LRP1B: variants seen among roughly 807,000 people sequenced by gnomAD.
LRP1B encodes the protein low-density lipoprotein receptor-related protein 1B.
LRP1B carries 217 observed loss-of-function variants against 556.6 expected under a neutral mutation model. That is an observed-to-expected ratio of 0.39 (90% CI 0.35 to 0.44). LRP1B has a LOEUF of 0.44. Ranked by LOEUF, LRP1B falls within the 20% of genes least tolerant of loss-of-function variation. The pLI is 1.00. For missense variants in LRP1B, 5,053 were observed against 5,620.8 expected, an observed-to-expected ratio of 0.90 and a Z score of 3.23; for synonymous variants, 2,047 against 1,865.8, an observed-to-expected ratio of 1.10 and a Z score of -2.50.
chr2:140,582,296 G>A (rs1681799688), intron 43 of LRP1B, among the ~76,000 whole-genome samples: 1 of 152,214 alleles, frequency 6.6e-6, no homozygotes, highest in South Asian at 2.1e-4. Context: ...TCTCAGATTG[G>A]GGTTAGGCAT....
At position 140,806,200 on chromosome 2, in the gene LRP1B, T is replaced by G. The variant is rs972180289; in HGVS notation, c.5359+7457A>C. ...ATCTCAGACTTCCAGCCTCCAGAAC[T>G]GTGAGAAATAAATTTCTGATGTTTT... On this transcript the variant is annotated intron_variant, in intron 32 of 90. Transcript: ENST00000389484. 2.0e-5 allele frequency among the ~76,000 whole-genome samples: 3 copies of G among 152,086 alleles called. No individual in the cohort carries two copies. In the South Asian group the frequency reaches 6.2e-4, roughly 32 times the overall value.
chr2:141,634,348 A>G (rs1689023449), intron 2 of LRP1B, among the ~76,000 whole-genome samples: 1 of 151,998 alleles, frequency 6.6e-6, no homozygotes, highest in Admixed American at 6.6e-5. Flanking sequence ...AAACCTTCAT[A>G]ATCATTTAAA....
At chr2:141,592,098 A>T (rs1351198886) in intron 2 of LRP1B, among the ~76,000 whole-genome samples, 1 of 152,064 alleles carries the variant, frequency 6.6e-6, no homozygotes, top group African/African-American at 2.4e-5. Context: ...CATCCTCTGC[A>T]CCAACATTGA....
intron 2 of LRP1B, among the ~76,000 whole-genome samples, chr2:141,553,096 AT>A (rs1347285826): frequency 2.0e-5 from 3 of 151,862 alleles, no homozygotes; most frequent in Admixed American, 6.6e-5. Flanking sequence ...AATGCACTTT[AT>A]AGGATGAGGA....
Position 140,576,263 on chromosome 2 carries a change from T to C in LRP1B, c.7194+22368A>G, listed in dbSNP as rs560710964. 5.9e-5 allele frequency among the ~76,000 whole-genome samples: 9 copies of C among 152,300 alleles called. 1 individual carries two copies. In the South Asian group the frequency reaches 1.7e-3, roughly 28 times the overall value. Reference sequence around the variant, plus strand: ...CTCTAGACTTTGCTCCACAAAACAATTTCTCAGTGATTTTTGCAGACTCTC... The same window carrying C: ...CTCTAGACTTTGCTCCACAAAACAACTTCTCAGTGATTTTTGCAGACTCTC... On this transcript the variant is annotated intron_variant, in intron 43 of 90. Transcript: ENST00000389484.
intron 83 of LRP1B, among the ~76,000 whole-genome samples, chr2:140,311,255 C>A (rs146576180): frequency 2.6e-5 from 4 of 151,742 alleles, no homozygotes; most frequent in Non-Finnish European, 5.9e-5. Context: ...ATATTCACAA[C>A]AGGAAAAATA....
intron 49 of LRP1B, among the ~76,000 whole-genome samples, chr2:140,524,528 C>T (rs1003691013): frequency 1.3e-5 from 2 of 151,796 alleles, no homozygotes; most frequent in African/African-American, 2.4e-5. Context: ...CTCACAATAG[C>T]AAATATATTA....
chr2:141,467,120 A>ATATATATATATG (rs1682254001), intron 3 of LRP1B, among the ~76,000 whole-genome samples: 1 of 3,812 alleles, frequency 2.6e-4, no homozygotes, highest in South Asian at 0.038. Context: ...ATATATATAT[A>ATATATATATATG]TATCTATATA....
chr2:140,867,207 C>T (rs907489943), intron 27 of LRP1B, among the ~76,000 whole-genome samples: 1 of 151,954 alleles, frequency 6.6e-6, no homozygotes, highest in Non-Finnish European at 1.5e-5. Context: ...GGAGAGGTAG[C>T]ACATATGGGC....
At chr2:141,894,695 T>C (rs891852508) in intron 1 of LRP1B, among the ~76,000 whole-genome samples, 1 of 147,486 alleles carries the variant, frequency 6.8e-6, no homozygotes, top group Non-Finnish European at 1.5e-5. Context: ...AGATCGAATT[T>C]AGGTGGTCAA....
At chr2:140,372,979 T>C (rs13031631) in intron 69 of LRP1B, 29 bp downstream of exon 69, 125,302 of 1,608,976 alleles carry the variant, frequency 0.078, 5,354 homozygotes, top group Middle Eastern at 0.1. Flanking sequence ...AAATGTTAAC[T>C]AAATGATATA....
intron 2 of LRP1B, among the ~76,000 whole-genome samples, chr2:141,758,975 T>C (rs1353705677): frequency 1.3e-5 from 2 of 152,086 alleles, no homozygotes; most frequent in Non-Finnish European, 2.9e-5. Flanking sequence ...AATCCTCTGT[T>C]GTGGAAAGCC....
intron 1 of LRP1B, among the ~76,000 whole-genome samples, chr2:141,835,042 T>C (rs1247153584): frequency 6.6e-6 from 1 of 151,960 alleles, no homozygotes; most frequent in African/African-American, 2.4e-5. Context: ...AGTGAATAAA[T>C]AGAAACAATG....
chr2:141,124,526 T>A (rs10928098), intron 7 of LRP1B, among the ~76,000 whole-genome samples: 52,651 of 151,858 alleles, frequency 0.35, 9,533 homozygotes, highest in East Asian at 0.5. Context: ...TTCATTGTGC[T>A]AAGACCTTAA....
intron 2 of LRP1B, among the ~76,000 whole-genome samples, chr2:141,557,646 C>T (rs1431781480): frequency 1.3e-5 from 2 of 151,888 alleles, no homozygotes; most frequent in East Asian, 3.9e-4. Context: ...CAGATCCAGA[C>T]ATCCTTAGAA....
At chr2:141,632,682 C>A (rs1574167008) in intron 2 of LRP1B, among the ~76,000 whole-genome samples, 1 of 151,608 alleles carries the variant, frequency 6.6e-6, no homozygotes, top group Non-Finnish European at 1.5e-5. Context: ...CAACATAATA[C>A]CAAATGGGGT....
chr2:140,458,619 A>T (rs1687196550), intron 60 of LRP1B, among the ~76,000 whole-genome samples: 1 of 152,096 alleles, frequency 6.6e-6, no homozygotes, highest in Admixed American at 6.6e-5. Context: ...TAATGAGAAA[A>T]GGTACTATAT....
intron 2 of LRP1B, among the ~76,000 whole-genome samples, chr2:141,572,846 A>G (rs1574092264): frequency 6.6e-6 from 1 of 152,352 alleles, no homozygotes; most frequent in East Asian, 1.9e-4. Context: ...AAAAGAGACA[A>G]AAAAGGGAAT....
rs144027196 is a variant in LRP1B, at chr2:141,753,263, CATATATAT to C, written c.205+57008_205+57015del. ...AACACACACACTCTCTCTCTCTCTC[CATATATAT>C]ATATATATATATCCCAGATGATTCC... is the stretch of plus-strand genomic sequence containing the variant. On this transcript the variant is annotated intron_variant, in intron 2 of 90. Transcript: ENST00000389484. Among the ~76,000 whole-genome samples the C allele has an allele frequency of 5.6e-3, 350 of 62,556 alleles. 29 individuals carry two copies. Among genetic ancestry groups the C allele is most frequent in the African/African-American group, 0.019 (323 of 16,762 alleles). 41.0% of individuals were successfully genotyped at this position (62,556 alleles called of 152,430 possible). A position where few individuals can be genotyped will look rare whatever the true frequency, so the allele number is the denominator to read the frequency against.
Sources: gnomAD v4.1 joint callset for allele counts (sites outside exome capture counted in the v4.1 genomes callset) on GRCh38, gnomAD v4.1.1 for gene constraint, MANE v1.5 for transcripts, NCBI Gene and HGNC (gene_info 2026-07-23, HGNC 2026-07-21) for gene names.